The following CCDC102B variants were observed in gnomAD, a reference collection of about 807,000 sequenced individuals.
CCDC102B encodes coiled-coil domain-containing protein 102B.
In CCDC102B, 75 loss-of-function variants were observed where a neutral mutation model predicts 57.4. The ratio of observed to expected loss-of-function variants is 1.31; its 90% CI spans 1.08 to 1.58. The LOEUF is 1.58. Ranked by LOEUF, CCDC102B falls within the 40% of genes most tolerant of loss-of-function variation. CCDC102B has a pLI of 0.00. For synonymous variants in CCDC102B, 206 were observed against 201.9 expected, an observed-to-expected ratio of 1.02 and a Z score of -0.17; for missense variants, 636 against 582.6, an observed-to-expected ratio of 1.09 and a Z score of -0.94.
At chr18:68,927,687 T>C (rs892166374) in intron 6 of CCDC102B, among the ~76,000 whole-genome samples, 2 of 152,072 alleles carry the variant, frequency 1.3e-5, no homozygotes, top group African/African-American at 4.8e-5. Context: ...TCCCCACTTC[T>C]GGGGATATAA....
chr18:68,957,557 G>GTTTTT (rs33933822), intron 6 of CCDC102B, among the ~76,000 whole-genome samples: 43 of 131,728 alleles, frequency 3.3e-4, no homozygotes, highest in African/African-American at 9.8e-4. Context: ...GATTCTTCCA[G>GTTTTT]TTTTTTTTTT....
chr18:68,775,004 CAT>C (rs1435698709), intron 2 of CCDC102B, among the ~76,000 whole-genome samples: 2 of 150,722 alleles, frequency 1.3e-5, no homozygotes, highest in Non-Finnish European at 3.0e-5. Flanking sequence ...TACACATAAT[CAT>C]GTGTTGCCTT....
intron 6 of CCDC102B, among the ~76,000 whole-genome samples, chr18:68,954,477 T>G (rs2049790095): frequency 6.6e-6 from 1 of 152,172 alleles, no homozygotes. Flanking sequence ...TGAGATCTAT[T>G]ACATGATTTT....
intron 4 of CCDC102B, among the ~76,000 whole-genome samples, chr18:68,864,536 ATC>A (rs2144893109): frequency 6.6e-6 from 1 of 152,038 alleles, no homozygotes; most frequent in South Asian, 2.1e-4. Context: ...GTTTTCCTGC[ATC>A]ATATTATTTA....
At chr18:68,998,997 TATAGAGAGAGAGAGAGAG>T (rs1435308718) in intron 6 of CCDC102B, among the ~76,000 whole-genome samples, 29 of 30,574 alleles carry the variant, frequency 9.5e-4, no homozygotes, top group African/African-American at 8.5e-4. Context: ...TATATATATA[TATAGAGAGAGAGAGAGAG>T]AGAGAGAGAG....
intron 7 of CCDC102B, among the ~76,000 whole-genome samples, chr18:69,035,389 G>A (rs925341229): frequency 1.1e-4 from 17 of 151,994 alleles, no homozygotes; most frequent in African/African-American, 3.6e-4. Context: ...AAGGTTACTA[G>A]GTACACTACC....
chr18:68,796,708 G>A (rs902548641), upstream of CCDC102B, among the ~76,000 whole-genome samples: 1 of 152,048 alleles, frequency 6.6e-6, no homozygotes, highest in Non-Finnish European at 1.5e-5. Context: ...AAAACCAGGA[G>A]AGTGTTATGC....
At chr18:68,743,229 AAATAAATAAATAAATAAAT>A (rs2033471000) in intron 2 of CCDC102B, among the ~76,000 whole-genome samples, 1 of 150,004 alleles carries the variant, frequency 6.7e-6, no homozygotes, top group Non-Finnish European at 1.5e-5. Flanking sequence ...ATAAATAAAT[AAATAAATAAATAAATAAAT>A]AAATAAAAAA....
chr18:68,732,074 G>A (rs1014775105), intron 2 of CCDC102B, among the ~76,000 whole-genome samples: 1 of 149,022 alleles, frequency 6.7e-6, no homozygotes, highest in East Asian at 2.0e-4. Context: ...TATTCATGTT[G>A]ATATATTTTG....
At chr18:69,046,525 TTC>T (rs926896533) in intron 7 of CCDC102B, among the ~76,000 whole-genome samples, 1 of 152,134 alleles carries the variant, frequency 6.6e-6, no homozygotes, top group Non-Finnish European at 1.5e-5. Flanking sequence ...TGCAAAAAAT[TTC>T]TCTTATTCTG....
intron 4 of CCDC102B, among the ~76,000 whole-genome samples, chr18:68,851,609 A>G (rs932770610): frequency 2.6e-5 from 4 of 152,226 alleles, no homozygotes; most frequent in African/African-American, 4.8e-5. Context: ...TAAGACTATT[A>G]TAAGAATTAT....
chr18:69,045,441 T>C lies in CCDC102B; in HGVS notation c.1435-8589T>C, dbSNP rs375546153. 2.5e-3 allele frequency among the ~76,000 whole-genome samples: 383 copies of C among 152,218 alleles called. 2 individuals are homozygous for C. The highest frequency in any genetic ancestry group is 8.0e-3 in the African/African-American group (333 of 41,564). On this transcript the variant is annotated intron_variant, in intron 7 of 7. Transcript: ENST00000360242. ...ACTATGTTCTTTACTAAATAATCAT[T>C]AGGCTGTTCATAAATACACATTCTT...
In CCDC102B at chr18:68,933,882, C is replaced by T. The variant is rs146913465; in HGVS notation, c.1263+36454C>T. On this transcript the variant is annotated intron_variant, in intron 6 of 7. Transcript: ENST00000360242. ...CTAACCAAAGAAAAATCCATAACAA[C>T]GTGACTTTTAGCTACTATGAGTGTA... 2.0e-5 allele frequency among the ~76,000 whole-genome samples: 3 copies of T among 151,898 alleles called. No homozygotes were observed. The East Asian group carries it at 5.8e-4, about 30-fold the overall frequency.
intron 2 of CCDC102B, among the ~76,000 whole-genome samples, chr18:68,760,961 A>T (rs1433279803): frequency 2.0e-5 from 3 of 152,026 alleles, no homozygotes; most frequent in Non-Finnish European, 4.4e-5. Context: ...AAAGAAAAAA[A>T]ATTCAGCCTC....
At chr18:68,940,159 A>G (rs576059754) in intron 6 of CCDC102B, among the ~76,000 whole-genome samples, 1 of 151,874 alleles carries the variant, frequency 6.6e-6, no homozygotes, top group South Asian at 2.1e-4. Context: ...AATCAGTTAA[A>G]TAAGAATTCT....
intron 6 of CCDC102B, among the ~76,000 whole-genome samples, chr18:68,999,324 C>T (rs531950331): frequency 1.8e-4 from 28 of 152,000 alleles, no homozygotes; most frequent in South Asian, 8.3e-4. Flanking sequence ...AAGCCTGGCA[C>T]ATTGGCTCAC....
chr18:68,915,646 T>C (rs2041045866), intron 6 of CCDC102B, among the ~76,000 whole-genome samples: 1 of 152,244 alleles, frequency 6.6e-6, no homozygotes, highest in Non-Finnish European at 1.5e-5. Context: ...TTTGTTAGCC[T>C]AACTTGGATT....
At chr18:68,975,662 C>T (rs1398834074) in intron 6 of CCDC102B, among the ~76,000 whole-genome samples, 1 of 151,988 alleles carries the variant, frequency 6.6e-6, no homozygotes, top group East Asian at 1.9e-4. Context: ...AGGTTGATCT[C>T]AGAAAGGCTT....
chr18:68,998,756 T>C (rs1268799852), intron 6 of CCDC102B, among the ~76,000 whole-genome samples: 1 of 151,784 alleles, frequency 6.6e-6, no homozygotes, highest in Non-Finnish European at 1.5e-5. Context: ...AGTCTAGTCT[T>C]TCCATGCTCC....
Sources: gnomAD v4.1 joint callset for allele counts (sites outside exome capture counted in the v4.1 genomes callset) on GRCh38, gnomAD v4.1.1 for gene constraint, MANE v1.5 for transcripts, NCBI Gene and HGNC (gene_info 2026-07-23, HGNC 2026-07-21) for gene names.